The following SETX variants were observed in gnomAD, a reference collection of about 807,000 sequenced individuals.
SETX encodes senataxin, also known as helicase senataxin.
In SETX, 90 loss-of-function variants were observed where a neutral mutation model predicts 227.2. That is an observed-to-expected ratio of 0.40 (90% CI 0.33 to 0.47). The LOEUF is 0.47. SETX is among the 20% of genes least tolerant of loss of function. The pLI is 0.91. For synonymous variants in SETX, 1,210 were observed against 1,113.2 expected (o/e 1.09, Z -1.73); for missense variants, 3,052 against 3,181.5 (o/e 0.96, Z 0.98).
At chr9:132,319,745 A>G (rs962254443) in intron 10 of SETX, among the ~76,000 whole-genome samples, 1 of 152,192 alleles carries the variant, frequency 6.6e-6, no homozygotes, top group African/African-American at 2.4e-5. Flanking sequence ...GAAATTAGCC[A>G]AAGCATCCAT....
chr9:132,348,961 A>T (rs775455734), intron 3 of SETX, among the ~76,000 whole-genome samples: 1 of 152,044 alleles, frequency 6.6e-6, no homozygotes, highest in Admixed American at 6.6e-5. Flanking sequence ...ATGAAAACCC[A>T]TGTGGCCCAT....
chr9:132,354,577 C>A (rs1258842478), intron 1 of SETX, among the ~76,000 whole-genome samples: 1 of 151,842 alleles, frequency 6.6e-6, no homozygotes. Context: ...TGGAGGGAAC[C>A]GACACTTTCC....
intron 1 of SETX, among the ~76,000 whole-genome samples, chr9:132,354,358 T>C (rs1848772204): frequency 6.6e-6 from 1 of 150,784 alleles, no homozygotes; most frequent in African/African-American, 2.4e-5. Flanking sequence ...TAGCCGGGCG[T>C]GGTGACGCGC....
At chr9:132,272,476 A>G (rs1202109615) in intron 23 of SETX, among the ~76,000 whole-genome samples, 1 of 122,436 alleles carries the variant, frequency 8.2e-6, no homozygotes, top group East Asian at 2.2e-4. Flanking sequence ...AAAGAAACTT[A>G]AAAAAAAAAA....
intron 10 of SETX, among the ~76,000 whole-genome samples, chr9:132,325,282 G>A (rs1846655832): frequency 1.3e-5 from 2 of 152,114 alleles, no homozygotes; most frequent in South Asian, 4.1e-4. Flanking sequence ...CCTGAACCCG[G>A]GAGGCAGAGC....
At position 132,334,726 on chromosome 9, in the gene SETX, A is replaced by G. The variant is rs1365250030; in HGVS notation, c.720T>C (p.Gly240=). 6.2e-7 allele frequency: 1 copy of G among 1,614,058 alleles called. No homozygotes were observed. Among genetic ancestry groups the G allele is most frequent in the Non-Finnish European group, 8.5e-7 (1 of 1,179,934 alleles). Residue 240 remains glycine, a splice_region_variant and synonymous_variant, in exon 7 of 26, where the codon GGT becomes GGC. Coordinates refer to ENST00000224140, the MANE Select transcript of SETX (RefSeq NM_015046.7). Reference sequence around the variant, plus strand: ...CAAGAATGGTCAGCAACATGCAAATACCTGTAAGATCATTTAGAGTTATCT... The same window carrying G: ...CAAGAATGGTCAGCAACATGCAAATGCCTGTAAGATCATTTAGAGTTATCT... ...DTTNYKSYWL[G]ICMLLTILEE...
intron 11 of SETX, among the ~76,000 whole-genome samples, chr9:132,308,107 A>G (rs1004116964): frequency 6.6e-6 from 1 of 152,246 alleles, no homozygotes; most frequent in Non-Finnish European, 1.5e-5. Context: ...GAAGTATTCC[A>G]GCTAACATAA....
At chr9:132,266,079 T>C (rs1304787552) in intron 25 of SETX, 1 of 152,168 alleles carries the variant, frequency 6.6e-6, no homozygotes, top group East Asian at 1.9e-4. Flanking sequence ...CCACTAGAAT[T>C]CGGGTCTCTT....
At chr9:132,331,567 G>A (rs1847235976) in intron 7 of SETX, 119 bp from the exon 8 acceptor site, 6 of 1,126,026 alleles carry the variant, frequency 5.3e-6, no homozygotes, top group African/African-American at 1.5e-5. Flanking sequence ...AAGCCAAGGA[G>A]CAAATAATTT....
chr9:132,304,342 C>T (rs1409621323), intron 11 of SETX, among the ~76,000 whole-genome samples: 3 of 151,882 alleles, frequency 2.0e-5, no homozygotes, highest in African/African-American at 7.3e-5. Context: ...TAGGTAGAAC[C>T]AAAAGGGGAG....
chr9:132,350,222 C>T (rs1848531747), intron 2 of SETX, among the ~76,000 whole-genome samples: 1 of 152,116 alleles, frequency 6.6e-6, no homozygotes, highest in African/African-American at 2.4e-5. Context: ...TGGTGGTGCG[C>T]ATCTGCAATC....
At chr9:132,347,712 C>T (rs1454194432) in intron 3 of SETX, among the ~76,000 whole-genome samples, 5 of 150,482 alleles carry the variant, frequency 3.3e-5, no homozygotes, top group Non-Finnish European at 5.9e-5. Context: ...CTGTCAAATG[C>T]AAAACCGAGG....
rs1366270093 is a variant in SETX at position 132,283,274 on chromosome 9, A to G, written c.6536T>C (p.Ile2179Thr). Residue 2179 changes from isoleucine to threonine, a missense_variant, in exon 19 of 26, where the codon ATT becomes ACT. Coordinates refer to ENST00000224140, the MANE Select transcript of SETX (RefSeq NM_015046.7). ...GQGGVPFSCVIVDEAGQSCEI... is the reference protein window; with the variant it reads ...GQGGVPFSCVTVDEAGQSCEI... The stretch of plus-strand genomic sequence containing the variant: ...TGACCGTTCACTGACCTCATCAACA[A>G]TGACACAGCTGAAGGGGACACCCCC... The G allele has an allele frequency of 5.6e-6, 9 of 1,614,200 alleles. No homozygotes were observed. The highest frequency in any genetic ancestry group is 1.3e-5 in the African/African-American group (1 of 75,044).
In SETX at chr9:132,263,808, CTT is replaced by C. The variant is rs1245820302; in HGVS notation, c.*429_*430del. ...TTGAAAGGACCCGCCCTCCTCCCAT[CTT>C]TTTTTTTTTGGTAATATAAAGTTTG... On this transcript the variant is annotated 3_prime_UTR_variant, in exon 26 of 26. Transcript: ENST00000224140. The C allele has an allele frequency of 7.6e-5, 11 of 144,396 alleles. No individual in the cohort carries two copies. The highest frequency in any genetic ancestry group is 5.3e-4 in the East Asian group (3 of 5,656). The allele number at this position is 144,396 out of a possible 1,614,324, so 8.9% of individuals were successfully genotyped here. A position where few individuals can be genotyped will look rare whatever the true frequency, so the allele number is the denominator to read the frequency against.
Position 132,326,678 on chromosome 9 carries a change from T to C in SETX, c.4920A>G (p.Pro1640=), listed in dbSNP as rs1846796903. The C allele has an allele frequency of 1.2e-6, 2 of 1,613,800 alleles. No homozygotes were observed. The highest frequency in any genetic ancestry group is 8.5e-7 in the Non-Finnish European group (1 of 1,179,838). The change falls in exon 10 of 26, where the codon CCA becomes CCG. Residue 1640 remains proline (P), a synonymous_variant. Coordinates refer to ENST00000224140, the MANE Select transcript of SETX (RefSeq NM_015046.7). ...CTGGCTTCTGAGCTATGAGGGGAAC[T>C]GGCTGTGGTACTTTCAAAATCGACT... is the stretch of plus-strand genomic sequence containing the variant. The part of the protein sequence containing the change: ...GIQSILKVPQ[P]VPLIAQKPVG...
At chr9:132,291,259 C>T (rs183810552) in intron 15 of SETX, among the ~76,000 whole-genome samples, 5 of 150,272 alleles carry the variant, frequency 3.3e-5, no homozygotes, top group African/African-American at 7.4e-5. Context: ...CTCCGCCTCC[C>T]GGGTTCACGC....
rs778505279 is a variant in SETX at position 132,328,213 on chromosome 9, C to T, written c.3385G>A (p.Glu1129Lys). The change falls in exon 10 of 26, where the codon GAA becomes AAA. Residue 1129 changes from glutamate to lysine, a missense_variant. Coordinates refer to ENST00000224140, the MANE Select transcript of SETX (RefSeq NM_015046.7). ...NGQGCTDYVSEVVKKGAEGIE... is the reference protein window; with the variant it reads ...NGQGCTDYVSKVVKKGAEGIE... ...CCCTCTGCTCCTTTTTTAACAACTT[C>T]AGATACATAATCTGTACAACCCTGA... 4 of 1,614,206 alleles carry T rather than the reference C, an allele frequency of 2.5e-6. No homozygotes were observed. Among genetic ancestry groups the T allele is most frequent in the Non-Finnish European group, 3.4e-6 (4 of 1,180,028 alleles).
intron 10 of SETX, among the ~76,000 whole-genome samples, chr9:132,320,721 C>T (rs1698606819): frequency 6.6e-6 from 1 of 151,202 alleles, no homozygotes; most frequent in South Asian, 2.1e-4. Flanking sequence ...AAAGGTGTAA[C>T]TTCAAAGTAG....
intron 5 of SETX, among the ~76,000 whole-genome samples, chr9:132,341,322 G>A (rs981934906): frequency 2.0e-5 from 3 of 152,104 alleles, no homozygotes; most frequent in South Asian, 2.1e-4. Context: ...AGTTCCTCTA[G>A]AGTTAAACCT....
Sources: allele counts gnomAD v4.1 joint callset (sites outside exome capture counted in the v4.1 genomes callset), GRCh38; gene constraint gnomAD v4.1.1; transcripts MANE v1.5; gene names NCBI Gene and HGNC (gene_info 2026-07-23, HGNC 2026-07-21).